Variants in ABCD3 observed in about 807,000 individuals in gnomAD.
ABCD3 encodes ATP-binding cassette sub-family D member 3.
Under a neutral mutation model 105.5 loss-of-function variants are expected in ABCD3, and 41 were observed. That is an observed-to-expected ratio of 0.39 (90% confidence interval 0.30 to 0.50). The LOEUF is 0.50. Among genes scored for constraint, ABCD3 ranks in the 20% least tolerant of loss-of-function variants. The pLI is 0.84. For missense variants in ABCD3, 622 were observed against 806.3 expected (o/e 0.77, Z 2.77); for synonymous variants, 258 against 269.0 (o/e 0.96, Z 0.40).
intron 22 of ABCD3, among the ~76,000 whole-genome samples, 185 bp downstream of exon 22, chr1:94,515,387 A>G (rs368632504): frequency 1.3e-5 from 2 of 152,014 alleles, no homozygotes; most frequent in African/African-American, 4.8e-5. Context: ...TTTGAAAGCA[A>G]TGGTGTAACA....
intron 20 of ABCD3, among the ~76,000 whole-genome samples, chr1:94,503,906 CTTT>C (rs71097203): frequency 3.3e-4 from 23 of 69,790 alleles, no homozygotes; most frequent in African/African-American, 1.2e-3. Context: ...ACAAGTGATT[CTTT>C]TTTTTTTTTT....
intron 1 of ABCD3, among the ~76,000 whole-genome samples, chr1:94,419,712 C>CATT (rs1057186801): frequency 2.6e-5 from 4 of 152,130 alleles, no homozygotes; most frequent in African/African-American, 9.7e-5. Context: ...GTACCCTTTC[C>CATT]ATTAAGTTCT....
intron 2 of ABCD3, among the ~76,000 whole-genome samples, chr1:94,460,854 C>A (rs1185680683): frequency 6.6e-6 from 1 of 152,100 alleles, no homozygotes; most frequent in East Asian, 1.9e-4. Context: ...CGTGATCTCT[C>A]ATGTCTAAGT....
Position 94,435,711 on chromosome 1 carries a change from A to G in ABCD3, c.110+17123A>G, listed in dbSNP as rs527707016. Among the ~76,000 whole-genome samples, 6 of 152,344 alleles carry G rather than the reference A, an allele frequency of 3.9e-5. No homozygotes were observed. In the South Asian group the frequency reaches 1.2e-3, roughly 32 times the overall value. ...AGAAAGAAACCTTTTCTTTTCTGCT[A>G]TCTGGTTAGTAGTTGTACCTAGTGG... On this transcript the variant is annotated intron_variant, in intron 1 of 22. Transcript: ENST00000370214.
rs528230617 is a variant in ABCD3, at chr1:94,498,530, A to G, written c.1387-72A>G. ...CCAGGAGCTATTAATATTTGAGTCT[A>G]AGGAAATGTTGATTAAGTATATGTT... On this transcript the variant is annotated intron_variant, in intron 16 of 22. Coordinates refer to ENST00000370214, the MANE Select transcript of ABCD3 (RefSeq NM_002858.4). The G allele has an allele frequency of 6.1e-6, 9 of 1,475,344 alleles. No individual in the cohort carries two copies. The South Asian group carries it at 9.3e-5, about 15-fold the overall frequency. 91.4% of individuals were successfully genotyped at this position (1,475,344 alleles called of 1,614,324 possible). A position where few individuals can be genotyped will look rare whatever the true frequency, so the allele number is the denominator to read the frequency against.
At chr1:94,478,868 C>T (rs946409543) in intron 8 of ABCD3, 1 of 246,970 alleles carries the variant, frequency 4.0e-6, no homozygotes, top group African/African-American at 2.2e-5. Flanking sequence ...AAATGGTTGG[C>T]TATCCCATGA....
the ABCD3 span, among the ~76,000 whole-genome samples, chr1:94,390,866 A>G: frequency 6.6e-6 from 1 of 152,214 alleles, no homozygotes; most frequent in African/African-American, 2.4e-5. Context: ...TATGAGACAT[A>G]CTTGAGCTAA....
chr1:94,470,360 G>C (rs1430357250), intron 4 of ABCD3, among the ~76,000 whole-genome samples: 1 of 152,206 alleles, frequency 6.6e-6, no homozygotes, highest in Non-Finnish European at 1.5e-5. Context: ...CACCACTAGA[G>C]ATTCTGATTC....
At chr1:94,461,591 G>A (rs1270535542) in intron 2 of ABCD3, among the ~76,000 whole-genome samples, 1 of 151,942 alleles carries the variant, frequency 6.6e-6, no homozygotes, top group East Asian at 1.9e-4. Context: ...TAATTTTTAG[G>A]TCACTTCATG....
At chr1:94,428,158 G>C (rs936084469) in intron 1 of ABCD3, among the ~76,000 whole-genome samples, 1 of 150,192 alleles carries the variant, frequency 6.7e-6, no homozygotes, top group Non-Finnish European at 1.5e-5. Context: ...TTATCAGTTT[G>C]CTAGATTAGC....
At chr1:94,402,365 T>G in the ABCD3 span, among the ~76,000 whole-genome samples, 1 of 152,262 alleles carries the variant, frequency 6.6e-6, no homozygotes, top group Non-Finnish European at 1.5e-5. Context: ...AACACTCATG[T>G]GCCCTTTATT....
At chr1:94,476,857 T>C (rs539941367) in intron 7 of ABCD3, among the ~76,000 whole-genome samples, 69 of 152,068 alleles carry the variant, frequency 4.5e-4, no homozygotes, top group Non-Finnish European at 1.2e-4. Flanking sequence ...TCTGTTCCCA[T>C]TACCACATTT....
intron 1 of ABCD3, chr1:94,455,729 C>A: frequency 1.4e-6 from 1 of 700,024 alleles, no homozygotes; most frequent in Non-Finnish European, 2.2e-6. Flanking sequence ...TCCCTCTGAA[C>A]AAGGTATTTC....
intron 1 of ABCD3, among the ~76,000 whole-genome samples, chr1:94,422,674 T>A (rs181938640): frequency 1.3e-5 from 2 of 152,296 alleles, no homozygotes; most frequent in Non-Finnish European, 1.5e-5. Flanking sequence ...AGAGGATAAA[T>A]GACATAGGAT....
At chr1:94,427,478 A>G (rs543298112) in intron 1 of ABCD3, among the ~76,000 whole-genome samples, 1 of 152,304 alleles carries the variant, frequency 6.6e-6, no homozygotes, top group East Asian at 1.9e-4. Flanking sequence ...CATACTGCCC[A>G]TTTAGATAAG....
Position 94,499,158 on chromosome 1 carries a change from G to T in ABCD3, c.1620+124G>T, listed in dbSNP as rs1472067662. 6 of 943,422 alleles carry T rather than the reference G, an allele frequency of 6.4e-6. No homozygotes were observed. The African/African-American group carries it at 9.9e-5, about 15-fold the overall frequency. The allele number at this position is 943,422 out of a possible 1,614,324, so 58.4% of individuals were successfully genotyped here. ...GTAAAGCCTTCCAAAGCTGTAAATTGTGATTTTCTAAGCTGAGGTAAGATG... is the reference window on the plus strand; with the variant it reads ...GTAAAGCCTTCCAAAGCTGTAAATTTTGATTTTCTAAGCTGAGGTAAGATG... On this transcript the variant is annotated intron_variant, in intron 19 of 22. Transcript: ENST00000370214.
At chr1:94,442,324 A>G (rs1019105818) in intron 1 of ABCD3, among the ~76,000 whole-genome samples, 6 of 152,212 alleles carry the variant, frequency 3.9e-5, no homozygotes, top group Admixed American at 1.3e-4. Context: ...AAGGACTTCC[A>G]TATTTTTATG....
At chr1:94,469,692 G>C (rs1050054564) in intron 4 of ABCD3, among the ~76,000 whole-genome samples, 1 of 116,166 alleles carries the variant, frequency 8.6e-6, no homozygotes, top group Admixed American at 1.2e-4. Flanking sequence ...TTGAGATGGA[G>C]TCTTGCTCTG....
rs373260831 is a variant in ABCD3 at position 94,510,641 on chromosome 1, C to T, written c.1845+3999C>T. On this transcript the variant is annotated intron_variant, in intron 21 of 22. Transcript: ENST00000370214. ...TGGGAGTCTAAGTCTCTTTGTAGGT[C>T]GCTCAGGACTTGCTTTATGAATCTG... Among the ~76,000 whole-genome samples, 109 of 152,156 alleles carry T rather than the reference C, an allele frequency of 7.2e-4. 1 individual carries two copies. In the East Asian group the frequency reaches 0.014, roughly 19 times the overall value.
Sources: allele counts gnomAD v4.1 joint callset (sites outside exome capture counted in the v4.1 genomes callset), GRCh38; gene constraint gnomAD v4.1.1; transcripts MANE v1.5; gene names NCBI Gene and HGNC (gene_info 2026-07-23, HGNC 2026-07-21).